ITIH6: variants seen among roughly 807,000 people sequenced by gnomAD.
ITIH6 encodes inter-alpha-trypsin inhibitor heavy chain family member 6, also known as inter-alpha-trypsin inhibitor heavy chain H6.
Under a neutral mutation model 58.2 loss-of-function variants are expected in ITIH6, and 60 were observed. The observed-to-expected ratio is 1.03, with a 90% CI of 0.84 to 1.28. The LOEUF (loss-of-function observed/expected upper bound fraction) is 1.28. ITIH6 is among the 50% of genes most tolerant of loss of function. ITIH6 has a pLI of 0.00. For synonymous variants in ITIH6, 493 were observed against 417.4 expected, an observed-to-expected ratio of 1.18 and a Z score of -2.21; for missense variants, 1,290 against 1,021.1, an observed-to-expected ratio of 1.26 and a Z score of -3.59.
chrX:54,749,634 T>C lies in ITIH6; in HGVS notation c.*261A>G. 6.4e-6 allele frequency: 2 copies of C among 313,983 alleles called. No homozygotes were observed. The highest frequency in any genetic ancestry group is 4.9e-5 in the East Asian group (1 of 20,240). The allele number at this position is 313,983 out of a possible 1,213,427, so 25.9% of individuals were successfully genotyped here. On this transcript the variant is annotated 3_prime_UTR_variant, in exon 13 of 13. Transcript: ENST00000218436. ...TTTTTCGTTTTACAAAAGTGGCTTG[T>C]AGGGCTGGTGAGGAGCATGGATTTG...
At chrX:54,756,448 G>A (rs1162120155) in intron 8 of ITIH6, among the ~76,000 whole-genome samples, 1 of 112,161 alleles carries the variant, frequency 8.9e-6, no homozygotes, top group East Asian at 2.8e-4. Flanking sequence ...AGTACAGTAT[G>A]TAGAGCAGTA....
At chrX:54,764,600 TA>T (rs1489090153) in intron 6 of ITIH6, among the ~76,000 whole-genome samples, 1 of 103,414 alleles carries the variant, frequency 9.7e-6, no homozygotes, top group Non-Finnish European at 2.0e-5. Flanking sequence ...CATCATTTTT[TA>T]TGGCTGCATA....
chrX:54,784,220 A>G (rs1180893784), intron 5 of ITIH6, among the ~76,000 whole-genome samples: 1 of 111,942 alleles, frequency 8.9e-6, no homozygotes, highest in Non-Finnish European at 1.9e-5. Context: ...CAGACCTCAA[A>G]CTATGATACT....
In ITIH6 at chrX:54,759,781, G is replaced by A. The variant is rs149571356; in HGVS notation, c.1050C>T (p.Tyr350=). ...AGCCATCGGCTTCCATGCAATGCAG[G>A]TAGTCCTTGGCACTGTGGACATTCT... ...TIQNVHSAKD[Y]LHCMEADGWT... is the part of the protein sequence containing the mutation. The change falls in exon 7 of 13, where the codon TAC becomes TAT. Residue 350 remains tyrosine, a synonymous_variant. Transcript: ENST00000218436. 11 of 1,208,259 alleles carry A rather than the reference G, an allele frequency of 9.1e-6. No individual in the cohort carries two copies. The African/African-American group carries it at 1.2e-4, about 13-fold the overall frequency.
chrX:54,774,005 C>G (rs1929004137), intron 6 of ITIH6, 76 bp downstream of exon 6: 5 of 567,229 alleles, frequency 8.8e-6, no homozygotes, highest in Non-Finnish European at 1.4e-5. Context: ...CTCCCAGGGC[C>G]CCATTGTTAC....
intron 6 of ITIH6, among the ~76,000 whole-genome samples, chrX:54,765,536 A>G (rs1350143567): frequency 7.7e-4 from 78 of 101,399 alleles, no homozygotes; most frequent in African/African-American, 2.5e-3. Context: ...CCCATTGCTT[A>G]TTTTTCTCAG....
At chrX:54,792,686 T>C (rs1929371249) in intron 2 of ITIH6, among the ~76,000 whole-genome samples, 1 of 111,566 alleles carries the variant, frequency 9.0e-6, no homozygotes, top group South Asian at 3.7e-4. Flanking sequence ...CAGAGACTGA[T>C]GAGTTACAAG....
Position 54,788,633 on chromosome X carries a change from G to C in ITIH6, c.633C>G (p.Pro211=), listed in dbSNP as rs369364631. 5.0e-6 allele frequency: 6 copies of C among 1,205,351 alleles called. No individual in the cohort carries two copies. In the African/African-American group the frequency reaches 1.1e-4, roughly 21 times the overall value. ...TNAHASEVDS[P]PSTRIERGET... ...CTCCCCTCTCGATCCTGGTGGATGG[G>C]GGTGAATCCACCTCACCTGTATGGG... Residue 211 remains proline (P), a synonymous_variant, in exon 5 of 13, where the codon CCC becomes CCG. Transcript: ENST00000218436.
chrX:54,759,693 G>C (rs1273269525), intron 7 of ITIH6, 63 bp downstream of exon 7: 2 of 951,537 alleles, frequency 2.1e-6, no homozygotes, highest in African/African-American at 3.9e-5. Context: ...ATGAAGAGAG[G>C]GTTTCAGGAA....
intron 5 of ITIH6, among the ~76,000 whole-genome samples, chrX:54,783,386 A>G (rs768224858): frequency 8.9e-6 from 1 of 112,145 alleles, no homozygotes; most frequent in South Asian, 3.7e-4. Context: ...ATTGGAAAGG[A>G]ATAAGTCAAA....
chrX:54,791,086 TG>T lies in ITIH6; in HGVS notation c.369-3del. 6.6e-6 allele frequency: 8 copies of T among 1,210,162 alleles called. No individual in the cohort carries two copies. The highest frequency in any genetic ancestry group is 7.8e-6 in the Non-Finnish European group (7 of 894,585). On this transcript the variant is annotated splice_region_variant and splice_polypyrimidine_tract_variant and intron_variant, in intron 3 of 12. Transcript: ENST00000218436. Reference sequence around the variant, plus strand: ...CGGAACTTCTCTGATTCCCGGTCCCTGGGCAGGAAAGGGAGGATGGTGGGAA... The same window carrying T: ...CGGAACTTCTCTGATTCCCGGTCCCTGGCAGGAAAGGGAGGATGGTGGGAA...
At chrX:54,756,764 T>C (rs949995471) in intron 8 of ITIH6, among the ~76,000 whole-genome samples, 8 of 111,361 alleles carry the variant, frequency 7.2e-5, no homozygotes, top group African/African-American at 1.6e-4. Context: ...ATTCCATGCA[T>C]GTATACTGAG....
rs1929121181 is a variant in ITIH6 at position 54,779,967 on chromosome X, G to A, written c.787-5770C>T. 5.4e-5 allele frequency among the ~76,000 whole-genome samples: 6 copies of A among 111,628 alleles called. No homozygotes were observed. The South Asian group carries it at 2.2e-3, about 42-fold the overall frequency. The stretch of plus-strand genomic sequence containing the variant: ...AATGATAAAGGGGTCGATTTAGCAA[G>A]AGGATGTAACAATTGTGAAAATATA... On this transcript the variant is annotated intron_variant, in intron 5 of 12. Transcript: ENST00000218436.
chrX:54,781,836 T>C (rs1929154909), intron 5 of ITIH6, among the ~76,000 whole-genome samples: 1 of 112,361 alleles, frequency 8.9e-6, no homozygotes, highest in African/African-American at 3.2e-5. Flanking sequence ...TCAACCTAAA[T>C]GTCCATCAGT....
Position 54,758,871 on chromosome X carries a change from C to A in ITIH6, c.1203G>T (p.Thr401=). 1 of 1,211,310 alleles carries A rather than the reference C, an allele frequency of 8.3e-7. No homozygotes were observed. The highest frequency in any genetic ancestry group is 1.1e-6 in the Non-Finnish European group (1 of 895,350). The change falls in exon 8 of 13, where the codon ACG becomes ACT. Residue 401 remains threonine, a synonymous_variant. Transcript: ENST00000218436. ...TCACACTGGGGGTCGTCACGCCGGC[C>A]GTGGGCTCCCCATCCGTCAGGAAGA... is the stretch of plus-strand genomic sequence containing the variant. ...LIIFLTDGEP[T]AGVTTPSVIL...
intron 6 of ITIH6, among the ~76,000 whole-genome samples, chrX:54,761,495 G>A (rs1210312409): frequency 9.0e-6 from 1 of 111,280 alleles, no homozygotes; most frequent in Admixed American, 9.6e-5. Context: ...TGATGTTTTA[G>A]ACATGAAGTC....
At chrX:54,797,978 C>T (rs773587998) in intron 1 of ITIH6, 131 bp downstream of exon 1, 4 of 462,418 alleles carry the variant, frequency 8.7e-6, no homozygotes, top group Admixed American at 4.4e-5. Flanking sequence ...GCAAATAGTA[C>T]CTCTTTTCTC....
chrX:54,774,226 G>GC, intron 5 of ITIH6, 29 bp from the exon 6 acceptor site: 1 of 696,095 alleles, frequency 1.4e-6, no homozygotes. Flanking sequence ...AAAAAAAGTA[G>GC]AACCAAGAAG....
rs1928305005 is a variant in ITIH6, at chrX:54,749,421, G to A, written c.*474C>T. On this transcript the variant is annotated 3_prime_UTR_variant, in exon 13 of 13. Coordinates refer to ENST00000218436, the MANE Select transcript of ITIH6 (RefSeq NM_198510.3). ...GCATCAGGAAAGGCCTCCTAGAAGA[G>A]GTAACAACTAGGATTTGAAGGATGA... 8.7e-6 allele frequency: 1 copy of A among 114,549 alleles called. No homozygotes were observed. The highest frequency in any genetic ancestry group is 9.1e-5 in the Admixed American group (1 of 10,982). 9.4% of individuals were successfully genotyped at this position (114,549 alleles called of 1,213,427 possible). A position where few individuals can be genotyped will look rare whatever the true frequency, so the allele number is the denominator to read the frequency against.
Sources: allele counts gnomAD v4.1 joint callset (sites outside exome capture counted in the v4.1 genomes callset), GRCh38; gene constraint gnomAD v4.1.1; transcripts MANE v1.5; gene names NCBI Gene and HGNC (gene_info 2026-07-23, HGNC 2026-07-21).